The following CNBD1 variants were observed in gnomAD, a reference collection of about 807,000 sequenced individuals.
CNBD1 encodes cyclic nucleotide-binding domain-containing protein 1.
Under a neutral mutation model 54.4 loss-of-function variants are expected in CNBD1, and 71 were observed. The ratio of observed to expected loss-of-function variants is 1.30; its 90% CI spans 1.08 to 1.59. The LOEUF (loss-of-function observed/expected upper bound fraction) is 1.59, where lower values mean the gene tolerates loss of function less well. Among genes scored for constraint, CNBD1 ranks in the 40% most tolerant of loss-of-function variants. The pLI is 0.00. For synonymous variants in CNBD1, 182 were observed against 170.7 expected, an observed-to-expected ratio of 1.07 and a Z score of -0.51; for missense variants, 659 against 518.0, an observed-to-expected ratio of 1.27 and a Z score of -2.64.
At chr8:86,968,872 G>T (rs949937768) in intron 4 of CNBD1, among the ~76,000 whole-genome samples, 5 of 152,158 alleles carry the variant, frequency 3.3e-5, no homozygotes, top group African/African-American at 7.2e-5. Context: ...ATGACTTTGA[G>T]TTCTATCTTT....
intron 5 of CNBD1, among the ~76,000 whole-genome samples, chr8:87,231,966 T>A (rs1445576538): frequency 2.6e-5 from 4 of 152,184 alleles, no homozygotes; most frequent in East Asian, 1.9e-4. Context: ...TTTCTTTTTT[T>A]AAATTCTCAC....
chr8:87,045,319 A>G (rs576006755), intron 4 of CNBD1, among the ~76,000 whole-genome samples: 14 of 152,314 alleles, frequency 9.2e-5, no homozygotes, highest in South Asian at 4.1e-4. Context: ...AGAAGACTGG[A>G]ATCTTTCAAG....
At chr8:87,176,483 ATTTT>A (rs35416460) in intron 4 of CNBD1, among the ~76,000 whole-genome samples, 3 of 134,404 alleles carry the variant, frequency 2.2e-5, no homozygotes, top group African/African-American at 2.8e-5. Flanking sequence ...TTAAGTTAGT[ATTTT>A]TTTTTTTTTT....
At chr8:87,413,283 G>T (rs986993284) in intron 2 of CNBD1, among the ~76,000 whole-genome samples, 4 of 151,878 alleles carry the variant, frequency 2.6e-5, no homozygotes, top group Non-Finnish European at 5.9e-5. Flanking sequence ...TGAGTTTTGG[G>T]GTCCCAAGAT....
chr8:87,030,476 T>TC (rs1809756385), intron 4 of CNBD1, among the ~76,000 whole-genome samples: 1 of 152,198 alleles, frequency 6.6e-6, no homozygotes, highest in South Asian at 2.1e-4. Flanking sequence ...AGACATTCTG[T>TC]CCAAGTATTT....
chr8:87,395,026 A>T (rs765752244), intron 2 of CNBD1, among the ~76,000 whole-genome samples: 6 of 151,944 alleles, frequency 3.9e-5, no homozygotes, highest in Non-Finnish European at 5.9e-5. Context: ...CTAAGCATAG[A>T]TTGACAGCTC....
chr8:87,188,379 CA>C (rs1187696680), intron 4 of CNBD1, among the ~76,000 whole-genome samples: 1 of 152,074 alleles, frequency 6.6e-6, no homozygotes, highest in Non-Finnish European at 1.5e-5. Flanking sequence ...TGTTATATGC[CA>C]GTGTTTGGAT....
chr8:87,378,677 C>A (rs935058309), intron 10 of CNBD1, among the ~76,000 whole-genome samples: 13 of 150,522 alleles, frequency 8.6e-5, no homozygotes, highest in Non-Finnish European at 1.8e-4. Flanking sequence ...GTAGTTTTTT[C>A]CAATTCTGCG....
intron 8 of CNBD1, among the ~76,000 whole-genome samples, chr8:87,302,390 C>A (rs995554911): frequency 3.3e-5 from 5 of 151,914 alleles, no homozygotes; most frequent in African/African-American, 9.7e-5. Flanking sequence ...ACAAAAACCA[C>A]ATGATTATCT....
At chr8:86,866,628 T>G in intron 1 of CNBD1, 45 bp downstream of exon 1, 1 of 1,422,558 alleles carries the variant, frequency 7.0e-7, no homozygotes, top group Non-Finnish European at 9.8e-7. Context: ...TACCATTGTT[T>G]TCAGCGGTTC....
intron 10 of CNBD1, among the ~76,000 whole-genome samples, chr8:87,376,884 T>C (rs957532992): frequency 4.0e-5 from 6 of 151,812 alleles, no homozygotes; most frequent in African/African-American, 9.7e-5. Context: ...AGATTAAAAA[T>C]CAGAACCTTA....
chr8:87,341,347 G>A (rs77650512), intron 8 of CNBD1, among the ~76,000 whole-genome samples: 3,659 of 152,128 alleles, frequency 0.024, 145 homozygotes, highest in African/African-American at 0.08. Context: ...GGCAGCTCCT[G>A]TCTTCTTTAA....
chr8:87,333,803 A>G lies in CNBD1; in HGVS notation c.1043-17882A>G, dbSNP rs139541237. On this transcript the variant is annotated intron_variant, in intron 8 of 10. Coordinates refer to ENST00000518476, the MANE Select transcript of CNBD1 (RefSeq NM_173538.3). The stretch of plus-strand genomic sequence containing the variant: ...ATTGAGGATTTTCGCACCAGTGTTT[A>G]TCAGGGATATTGGCCTGAAGTTTTC... 5.5e-4 allele frequency among the ~76,000 whole-genome samples: 83 copies of G among 152,238 alleles called. 1 individual carries two copies. The highest frequency in any genetic ancestry group is 1.7e-3 in the African/African-American group (70 of 41,542).
intron 3 of CNBD1, among the ~76,000 whole-genome samples, chr8:86,933,229 C>T (rs1165434810): frequency 6.6e-6 from 1 of 152,156 alleles, no homozygotes. Context: ...TTAAGCATCT[C>T]TTGGAGAAGT....
At chr8:87,244,526 C>T (rs1342102606) in intron 6 of CNBD1, among the ~76,000 whole-genome samples, 1 of 152,064 alleles carries the variant, frequency 6.6e-6, no homozygotes, top group African/African-American at 2.4e-5. Flanking sequence ...ACAATATCGT[C>T]CTCCTTGCTT....
At chr8:87,271,370 A>G (rs974885373) in intron 6 of CNBD1, among the ~76,000 whole-genome samples, 1 of 151,780 alleles carries the variant, frequency 6.6e-6, no homozygotes, top group Non-Finnish European at 1.5e-5. Context: ...AACTTTTTGA[A>G]ACAGGTATTT....
intron 6 of CNBD1, among the ~76,000 whole-genome samples, chr8:87,238,239 GAA>G (rs1237900038): frequency 6.6e-6 from 1 of 152,074 alleles, no homozygotes; most frequent in South Asian, 2.1e-4. Context: ...AGGGTAGAGA[GAA>G]GTTTCAGAGG....
intron 3 of CNBD1, among the ~76,000 whole-genome samples, chr8:86,926,295 C>A (rs1325110122): frequency 1.3e-5 from 2 of 152,116 alleles, no homozygotes; most frequent in African/African-American, 4.8e-5. Flanking sequence ...AGGGGCCCTG[C>A]AGTTGTAGTG....
At chr8:87,042,076 G>A (rs1482354843) in intron 4 of CNBD1, among the ~76,000 whole-genome samples, 1 of 152,088 alleles carries the variant, frequency 6.6e-6, no homozygotes, top group Non-Finnish European at 1.5e-5. Context: ...TTGAATTTGG[G>A]GCCTATGCAA....
Sources: allele counts gnomAD v4.1 joint callset (sites outside exome capture counted in the v4.1 genomes callset), GRCh38; gene constraint gnomAD v4.1.1; transcripts MANE v1.5; gene names NCBI Gene and HGNC (gene_info 2026-07-23, HGNC 2026-07-21).